Variants in DGKI observed in about 807,000 individuals in gnomAD.
The protein encoded by DGKI is DAG kinase iota.
In DGKI, 55 loss-of-function variants were observed where a neutral mutation model predicts 147.5. The ratio of observed to expected loss-of-function variants is 0.37; its 90% CI spans 0.30 to 0.47. DGKI has a LOEUF of 0.47. Ranked by LOEUF, DGKI falls within the 20% of genes least tolerant of loss-of-function variation. The pLI is 1.00. For synonymous variants in DGKI, 469 were observed against 477.1 expected (o/e 0.98, Z 0.22); for missense variants, 1,007 against 1,323.8 (o/e 0.76, Z 3.71).
chr7:137,734,826 T>C (rs917302986), intron 1 of DGKI, among the ~76,000 whole-genome samples: 8 of 152,126 alleles, frequency 5.3e-5, no homozygotes, highest in Non-Finnish European at 1.2e-4. Flanking sequence ...ATTCTGTAGA[T>C]TTTTAGAAAT....
chr7:137,832,080 T>G (rs2117073958), intron 1 of DGKI, among the ~76,000 whole-genome samples: 1 of 152,338 alleles, frequency 6.6e-6, no homozygotes, highest in Non-Finnish European at 1.5e-5. Flanking sequence ...CCCTTGTGGC[T>G]TCGCAGGGTA....
At chr7:137,484,665 C>T (rs1815490083) in intron 23 of DGKI, among the ~76,000 whole-genome samples, 1 of 152,006 alleles carries the variant, frequency 6.6e-6, no homozygotes, top group Non-Finnish European at 1.5e-5. Flanking sequence ...CTGTGCATCA[C>T]AAGTGGGATG....
chr7:137,602,325 GA>G (rs1404739034), intron 10 of DGKI, among the ~76,000 whole-genome samples: 3 of 152,152 alleles, frequency 2.0e-5, no homozygotes, highest in Non-Finnish European at 2.9e-5. Flanking sequence ...AAAGCATTGA[GA>G]GGTTGTTTTC....
Position 137,387,691 on chromosome 7 carries a change from C to A in DGKI, c.*3529G>T, listed in dbSNP as rs116010849. On this transcript the variant is annotated 3_prime_UTR_variant, in exon 33 of 33. Transcript: ENST00000614521. ...GTATTTATTTTTGGGAAGTGGGACA[C>A]AACACCAGAACAAAGGGATGCCTTG... 248 of 152,166 alleles carry A rather than the reference C, an allele frequency of 1.6e-3. No individual in the cohort carries two copies. The highest frequency in any genetic ancestry group is 5.8e-3 in the African/African-American group (239 of 41,518). The allele number at this position is 152,166 out of a possible 1,614,324, so 9.4% of individuals were successfully genotyped here. A position where few individuals can be genotyped will look rare whatever the true frequency, so the allele number is the denominator to read the frequency against.
At chr7:137,813,407 GAAGA>G (rs1390117129) in intron 1 of DGKI, among the ~76,000 whole-genome samples, 2 of 152,168 alleles carry the variant, frequency 1.3e-5, no homozygotes, top group Non-Finnish European at 2.9e-5. Flanking sequence ...TTCAGGTCAG[GAAGA>G]AAGAATGAAA....
intron 1 of DGKI, among the ~76,000 whole-genome samples, chr7:137,717,862 C>A (rs1350052011): frequency 6.6e-6 from 1 of 152,198 alleles, no homozygotes; most frequent in Admixed American, 6.5e-5. Context: ...GCACATGAAT[C>A]GCACTGTTTC....
intron 1 of DGKI, among the ~76,000 whole-genome samples, chr7:137,755,918 G>C (rs981994371): frequency 1.3e-5 from 2 of 152,282 alleles, no homozygotes; most frequent in East Asian, 1.9e-4. Flanking sequence ...TGGGTTCCTG[G>C]TCCAGTTCCT....
chr7:137,612,793 G>A lies in DGKI; in HGVS notation c.994-3184C>T, dbSNP rs146164008. On this transcript the variant is annotated intron_variant, in intron 8 of 32. Transcript: ENST00000614521. ...ACAAATCATCTCTATTATATCAAGG[G>A]CAGCTAACTCGGTGATAAAAGCATT... Among the ~76,000 whole-genome samples, 20 of 152,166 alleles carry A rather than the reference G, an allele frequency of 1.3e-4. No homozygotes were observed. The East Asian group carries it at 3.9e-3, about 29-fold the overall frequency.
intron 21 of DGKI, among the ~76,000 whole-genome samples, chr7:137,500,064 C>T (rs960127373): frequency 2.6e-4 from 40 of 152,228 alleles, no homozygotes; most frequent in African/African-American, 9.4e-4. Flanking sequence ...TTACGGCAGC[C>T]AGAGCAGACT....
chr7:137,603,026 A>T (rs1158161958), intron 10 of DGKI, among the ~76,000 whole-genome samples: 2 of 152,182 alleles, frequency 1.3e-5, no homozygotes, highest in East Asian at 3.9e-4. Context: ...TTATTCTTCC[A>T]AGCAGCAAGT....
intron 1 of DGKI, among the ~76,000 whole-genome samples, chr7:137,709,956 C>A (rs1794165845): frequency 6.6e-6 from 1 of 151,238 alleles, no homozygotes; most frequent in Non-Finnish European, 1.5e-5. Flanking sequence ...TAATAGCAGA[C>A]AGAAACAGAA....
intron 25 of DGKI, among the ~76,000 whole-genome samples, chr7:137,466,510 T>C (rs542955239): frequency 6.6e-6 from 1 of 152,212 alleles, no homozygotes; most frequent in African/African-American, 2.4e-5. Context: ...ATCACTGACC[T>C]CCAGGGATTG....
At chr7:137,787,311 G>A (rs1796703258) in intron 1 of DGKI, among the ~76,000 whole-genome samples, 1 of 151,954 alleles carries the variant, frequency 6.6e-6, no homozygotes, top group Non-Finnish European at 1.5e-5. Context: ...GCTAAGGACA[G>A]GCATAGACAA....
intron 23 of DGKI, 62 bp from the exon 24 acceptor site, chr7:137,469,681 T>C: frequency 6.7e-7 from 1 of 1,490,162 alleles, no homozygotes; most frequent in Non-Finnish European, 9.3e-7. Flanking sequence ...CTTCCCTCAC[T>C]CAGCATTCTG....
intron 21 of DGKI, among the ~76,000 whole-genome samples, chr7:137,496,249 C>T (rs1815961134): frequency 6.6e-6 from 1 of 152,020 alleles, no homozygotes; most frequent in Non-Finnish European, 1.5e-5. Flanking sequence ...ATACAGCTAA[C>T]CAGGGAGATG....
At chr7:137,779,184 A>C (rs1796447101) in intron 1 of DGKI, among the ~76,000 whole-genome samples, 1 of 152,190 alleles carries the variant, frequency 6.6e-6, no homozygotes, top group South Asian at 2.1e-4. Flanking sequence ...AAATAGTACA[A>C]GTCTATAGTC....
chr7:137,842,561 G>T (rs1023279645), intron 1 of DGKI, among the ~76,000 whole-genome samples: 3 of 152,130 alleles, frequency 2.0e-5, no homozygotes, highest in Non-Finnish European at 4.4e-5. Flanking sequence ...AAGCAAAATT[G>T]TACTTCATCA....
chr7:137,815,550 T>G lies in DGKI; in HGVS notation c.401+30912A>C, dbSNP rs559269290. ...TATTCTCCCAATAAACATTTTCTAA[T>G]TCACATATTCAACATCATCTATTTA... On this transcript the variant is annotated intron_variant, in intron 1 of 32. Coordinates refer to ENST00000614521, the MANE Select transcript of DGKI (RefSeq NM_001321708.2). Among the ~76,000 whole-genome samples the G allele has an allele frequency of 4.6e-5, 7 of 152,352 alleles. No homozygotes were observed. In the South Asian group the frequency reaches 1.4e-3, roughly 32 times the overall value.
intron 1 of DGKI, among the ~76,000 whole-genome samples, chr7:137,777,482 A>G (rs1480148612): frequency 6.6e-6 from 1 of 152,218 alleles, no homozygotes; most frequent in Non-Finnish European, 1.5e-5. Flanking sequence ...AGCGACGGCT[A>G]TGGTCTAGCT....
Sources: allele counts gnomAD v4.1 joint callset (sites outside exome capture counted in the v4.1 genomes callset), GRCh38; gene constraint gnomAD v4.1.1; transcripts MANE v1.5; gene names NCBI Gene and HGNC (gene_info 2026-07-23, HGNC 2026-07-21).